Variants in IQGAP3 observed in about 807,000 individuals in gnomAD.
The protein encoded by IQGAP3 is IQ motif containing GTPase activating protein 3.
In IQGAP3, 165 loss-of-function variants were observed where a neutral mutation model predicts 208.2. That is an observed-to-expected ratio of 0.79 (90% CI 0.70 to 0.90). The LOEUF (loss-of-function observed/expected upper bound fraction) is 0.90, where lower values mean the gene tolerates loss of function less well. IQGAP3 is among the 40% of genes least tolerant of loss of function. The pLI is 0.00. For missense variants in IQGAP3, 1,811 were observed against 2,043.1 expected, an observed-to-expected ratio of 0.89 and a Z score of 2.19; for synonymous variants, 703 against 803.6, an observed-to-expected ratio of 0.87 and a Z score of 2.12.
At chr1:156,560,815 C>A (rs1676112850) in intron 11 of IQGAP3, 119 bp downstream of exon 11, 1 of 669,810 alleles carries the variant, frequency 1.5e-6, no homozygotes, top group East Asian at 2.6e-5. Flanking sequence ...AAGTTCCTAG[C>A]CAGGCTGGAA....
At chr1:156,540,678 C>T in intron 23 of IQGAP3, 30 bp downstream of exon 23, 3 of 1,581,422 alleles carry the variant, frequency 1.9e-6, no homozygotes, top group South Asian at 1.1e-5. Context: ...AGGCAGATCT[C>T]GGGGAGGGGA....
At chr1:156,530,967 T>C (rs116584547) in intron 33 of IQGAP3, among the ~76,000 whole-genome samples, 193 bp downstream of exon 33, 2,793 of 152,298 alleles carry the variant, frequency 0.018, 78 homozygotes, top group African/African-American at 0.064. Flanking sequence ...CATGACTCTG[T>C]AGCCCGAGGC....
At chr1:156,566,135 C>T (rs1372625374) in intron 3 of IQGAP3, 31 bp from the exon 4 acceptor site, 5 of 1,586,824 alleles carry the variant, frequency 3.2e-6, no homozygotes, top group Non-Finnish European at 4.3e-6. Context: ...AAATCTATTT[C>T]CACAGTTCTC....
Position 156,548,647 on chromosome 1 carries a change from C to G in IQGAP3, c.1927G>C (p.Val643Leu). 2 of 1,612,522 alleles carry G rather than the reference C, an allele frequency of 1.2e-6. No individual in the cohort carries two copies. Among genetic ancestry groups the G allele is most frequent in the Non-Finnish European group, 1.7e-6 (2 of 1,178,960 alleles). ...TGGTAGCCGTTGGCACAGTCGGGAA[C>G]TACCCCTCGAAGGGCCACTGCGGGG... ...RNPAVALRGV[V>L]PDCANGYQRA... Residue 643 changes from valine (V) to leucine (L), a missense_variant, in exon 17 of 38, where the codon GTT becomes CTT. Physicochemically the swap from Val to Leu is conservative, Grantham distance 32 (BLOSUM62 1). Coordinates refer to ENST00000361170, the MANE Select transcript of IQGAP3 (RefSeq NM_178229.5).
At chr1:156,526,766 A>G (rs1457082470) in intron 37 of IQGAP3, among the ~76,000 whole-genome samples, 167 bp from the exon 38 acceptor site, 1 of 152,192 alleles carries the variant, frequency 6.6e-6, no homozygotes, top group African/African-American at 2.4e-5. Flanking sequence ...CTGAGGCAAG[A>G]GAGGTACAGT....
chr1:156,570,131 ACTCTC>A (rs1480107233), intron 1 of IQGAP3, among the ~76,000 whole-genome samples: 1 of 152,102 alleles, frequency 6.6e-6, no homozygotes, highest in Non-Finnish European at 1.5e-5. Context: ...CTCGTTGGTT[ACTCTC>A]TCAGAGGTGA....
intron 37 of IQGAP3, among the ~76,000 whole-genome samples, chr1:156,527,333 GC>G (rs1674134447): frequency 6.6e-6 from 1 of 151,610 alleles, no homozygotes; most frequent in Non-Finnish European, 1.5e-5. Flanking sequence ...TACACAAAAA[GC>G]CGGTGTGGTG....
At chr1:156,557,597 A>G (rs1344305628) in intron 11 of IQGAP3, among the ~76,000 whole-genome samples, 17 of 46,796 alleles carry the variant, frequency 3.6e-4, no homozygotes, top group Non-Finnish European at 4.7e-4. Context: ...CAGCCGCCCC[A>G]TCCGGGAGGG....
In IQGAP3 at chr1:156,551,812, T is replaced by A. The variant is rs1479369130; in HGVS notation, c.1627A>T (p.Thr543Ser). ...GCAGGAAGCAGTAGGGCAGACAGAGTCTTCTCAGGGCTGCCTTTGTCCAGA... is the reference window on the plus strand; with the variant it reads ...GCAGGAAGCAGTAGGGCAGACAGAGACTTCTCAGGGCTGCCTTTGTCCAGA... ...EALDKGSPEK[T>S]LSALLLPAAG... Residue 543 changes from threonine (T) to serine (S), a missense_variant, in exon 15 of 38, where the codon ACT becomes TCT. By Grantham distance (58) the Thr-to-Ser change is moderately conservative (BLOSUM62 1). Coordinates refer to ENST00000361170, the MANE Select transcript of IQGAP3 (RefSeq NM_178229.5). The A allele has an allele frequency of 6.2e-7, 1 of 1,613,316 alleles. No individual in the cohort carries two copies. Among genetic ancestry groups the A allele is most frequent in the African/African-American group, 1.3e-5 (1 of 74,850 alleles).
At chr1:156,540,138 T>G (rs974871820) in intron 23 of IQGAP3, 148 bp from the exon 24 acceptor site, 16 of 807,888 alleles carry the variant, frequency 2.0e-5, no homozygotes, top group African/African-American at 6.9e-5. Flanking sequence ...AGTTCTAGGG[T>G]GAGGAAGGGC....
chr1:156,539,675 C>G, intron 24 of IQGAP3, 138 bp from the exon 25 acceptor site: 1 of 1,190,410 alleles, frequency 8.4e-7, no homozygotes, highest in Non-Finnish European at 1.2e-6. Flanking sequence ...TAGTAACATT[C>G]CAGACAAACA....
At chr1:156,529,975 C>T (rs1674303282) in intron 34 of IQGAP3, 130 bp downstream of exon 34, 7 of 664,062 alleles carry the variant, frequency 1.1e-5, no homozygotes, top group Non-Finnish European at 1.5e-5. Context: ...CTCAGCCTTC[C>T]TCTGGCTGGT....
At chr1:156,531,915 T>TTTA (rs1178781757) in intron 32 of IQGAP3, among the ~76,000 whole-genome samples, 2 of 152,050 alleles carry the variant, frequency 1.3e-5, no homozygotes, top group Non-Finnish European at 2.9e-5. Flanking sequence ...AGCTCACTTG[T>TTTA]TTATTGAGTG....
rs190117533 is a variant in IQGAP3 at position 156,533,207 on chromosome 1, A to G, written c.3977-101T>C. ...TGCACCGATGGGGTCACATTAAATC[A>G]GCTGCTCCACATGCCCCTCTTCCAG... On this transcript the variant is annotated intron_variant, in intron 31 of 37. Transcript: ENST00000361170. 587 of 1,448,340 alleles carry G rather than the reference A, an allele frequency of 4.1e-4. 1 individual carries two copies. In the African/African-American group the frequency reaches 5.7e-3, roughly 14 times the overall value. The allele number at this position is 1,448,340 out of a possible 1,614,324, so 89.7% of individuals were successfully genotyped here.
chr1:156,572,513 G>A lies in IQGAP3; in HGVS notation c.17C>T (p.Ala6Val). The change falls in exon 1 of 38, where the codon GCG (alanine) becomes GTG (valine). Residue 6 changes from alanine to valine, a missense_variant. Ala to Val is a moderately conservative substitution (Grantham distance 64). Coordinates refer to ENST00000361170, the MANE Select transcript of IQGAP3 (RefSeq NM_178229.5). ...CTCACAGGCTGCCCAGCCTGGGCCCGCTGCTCTCCTCTCCATGTTCCTCCT... is the reference window on the plus strand; with the variant it reads ...CTCACAGGCTGCCCAGCCTGGGCCCACTGCTCTCCTCTCCATGTTCCTCCT... Reference protein sequence around the residue: MERRAAGPGWAAYERL... With the variant: MERRAVGPGWAAYERL... 2 of 1,612,070 alleles carry A rather than the reference G, an allele frequency of 1.2e-6. No individual in the cohort carries two copies. The highest frequency in any genetic ancestry group is 1.1e-5 in the South Asian group (1 of 91,070).
At chr1:156,562,730 C>T in intron 8 of IQGAP3, 65 bp from the exon 9 acceptor site, 3 of 1,336,478 alleles carry the variant, frequency 2.2e-6, no homozygotes, top group Non-Finnish European at 3.2e-6. Flanking sequence ...CTGCTCTTCC[C>T]TGCCTGGCTA....
At chr1:156,559,660 G>A (rs1046762434) in intron 11 of IQGAP3, among the ~76,000 whole-genome samples, 1 of 152,226 alleles carries the variant, frequency 6.6e-6, no homozygotes, top group African/African-American at 2.4e-5. Flanking sequence ...CTCATCAACA[G>A]GTGAGAATGT....
At chr1:156,563,731 G>A in intron 6 of IQGAP3, 26 bp downstream of exon 6, 1 of 1,609,392 alleles carries the variant, frequency 6.2e-7, no homozygotes, top group East Asian at 2.2e-5. Context: ...CCAGGCTGTG[G>A]TGGTCAGGGA....
rs553104363 is a variant in IQGAP3 at position 156,569,491 on chromosome 1, T to C, written c.38-28A>G. ...GAGGAGTTAAACGGGATAAGGTCAA[T>C]GAAGAGAGCATTAGAGGTGCCTTAG... is the stretch of plus-strand genomic sequence containing the variant. On this transcript the variant is annotated intron_variant, in intron 1 of 37. Transcript: ENST00000361170. 5.1e-6 allele frequency: 7 copies of C among 1,366,670 alleles called. 1 individual carries two copies. In the South Asian group the frequency reaches 8.4e-5, roughly 16 times the overall value. 84.7% of individuals were successfully genotyped at this position (1,366,670 alleles called of 1,614,324 possible).
Sources: allele counts gnomAD v4.1 joint callset (sites outside exome capture counted in the v4.1 genomes callset), GRCh38; gene constraint gnomAD v4.1.1; transcripts MANE v1.5; gene names NCBI Gene and HGNC (gene_info 2026-07-23, HGNC 2026-07-21).